Variants in NME7 observed in about 807,000 individuals in gnomAD.
The protein encoded by NME7 is nucleoside diphosphate kinase 7.
Under a neutral mutation model 49.1 loss-of-function variants are expected in NME7, and 41 were observed. That is an observed-to-expected ratio of 0.83 (90% CI 0.65 to 1.08). The LOEUF (loss-of-function observed/expected upper bound fraction) is 1.08. NME7 is among the 50% of genes least tolerant of loss of function. The pLI is 0.00. For synonymous variants in NME7, 139 were observed against 150.6 expected, an observed-to-expected ratio of 0.92 and a Z score of 0.56; for missense variants, 423 against 463.4, an observed-to-expected ratio of 0.91 and a Z score of 0.80.
In NME7 at chr1:169,274,364, T is replaced by C. The variant is rs1229103262; in HGVS notation, c.754+12939A>G. Among the ~76,000 whole-genome samples the C allele has an allele frequency of 2.2e-5, 3 of 133,340 alleles. 1 individual carries two copies. The highest frequency in any genetic ancestry group is 5.3e-5 in the Non-Finnish European group (3 of 56,776). The allele number at this position is 133,340 out of a possible 152,430, so 87.5% of individuals were successfully genotyped here. A position where few individuals can be genotyped will look rare whatever the true frequency, so the allele number is the denominator to read the frequency against. On this transcript the variant is annotated intron_variant, in intron 7 of 11. Transcript: ENST00000367811. ...TGAGTTCATTGTAGATTCTGGATATTAGCCCTTTGTCAGAAGAGTAGGTTG... is the reference window on the plus strand; with the variant it reads ...TGAGTTCATTGTAGATTCTGGATATCAGCCCTTTGTCAGAAGAGTAGGTTG...
chr1:169,212,729 G>A (rs190723693), intron 10 of NME7, among the ~76,000 whole-genome samples: 1 of 151,290 alleles, frequency 6.6e-6, no homozygotes, highest in East Asian at 1.9e-4. Context: ...AGCCTCTTGA[G>A]TACTGAGTAG....
intron 1 of NME7, among the ~76,000 whole-genome samples, chr1:169,351,973 A>C (rs1207938554): frequency 6.6e-6 from 1 of 152,070 alleles, no homozygotes; most frequent in African/African-American, 2.4e-5. Context: ...TGATGGCTTC[A>C]CTGCTGAATT....
intron 11 of NME7, among the ~76,000 whole-genome samples, chr1:169,142,250 G>T (rs1658615754): frequency 6.6e-6 from 1 of 152,184 alleles, no homozygotes; most frequent in African/African-American, 2.4e-5. Context: ...AAGTCATTAA[G>T]AGCTCAGCTA....
At chr1:169,352,055 T>C (rs1653192962) in intron 1 of NME7, among the ~76,000 whole-genome samples, 1 of 151,936 alleles carries the variant, frequency 6.6e-6, no homozygotes, top group African/African-American at 2.4e-5. Context: ...GAGGTAATAT[T>C]TCCAAGCTCA....
At chr1:169,283,156 A>G (rs1216637343) in intron 7 of NME7, among the ~76,000 whole-genome samples, 1 of 152,100 alleles carries the variant, frequency 6.6e-6, no homozygotes, top group African/African-American at 2.4e-5. Context: ...CATATTTAGG[A>G]TAGTCAGTAC....
chr1:169,201,660 G>A (rs1660554685), intron 10 of NME7, among the ~76,000 whole-genome samples: 1 of 152,074 alleles, frequency 6.6e-6, no homozygotes, highest in Non-Finnish European at 1.5e-5. Flanking sequence ...GACTGTGGCT[G>A]GTAATGAATT....
At chr1:169,328,945 G>A (rs948830777) in intron 1 of NME7, among the ~76,000 whole-genome samples, 6 of 152,138 alleles carry the variant, frequency 3.9e-5, no homozygotes, top group Non-Finnish European at 8.8e-5. Flanking sequence ...CAAGATTGCA[G>A]ACTACAGTAA....
chr1:169,290,295 G>C (rs1273698698), intron 6 of NME7, among the ~76,000 whole-genome samples: 1 of 151,944 alleles, frequency 6.6e-6, no homozygotes, highest in East Asian at 1.9e-4. Context: ...TATCATTTCT[G>C]TAAATGTCCC....
intron 10 of NME7, among the ~76,000 whole-genome samples, chr1:169,183,428 A>C (rs1274948895): frequency 6.6e-6 from 1 of 152,112 alleles, no homozygotes; most frequent in Non-Finnish European, 1.5e-5. Flanking sequence ...TTGAGGCAAG[A>C]CTCCCATTTA....
chr1:169,213,635 C>T (rs1660892605), intron 10 of NME7, among the ~76,000 whole-genome samples: 1 of 151,936 alleles, frequency 6.6e-6, no homozygotes, highest in Non-Finnish European at 1.5e-5. Flanking sequence ...AATCTTTAAA[C>T]ATGCCAAATG....
At chr1:169,325,013 T>C (rs1652008782) in intron 1 of NME7, among the ~76,000 whole-genome samples, 1 of 152,072 alleles carries the variant, frequency 6.6e-6, no homozygotes. Context: ...TATCTTTTTA[T>C]AGAAATAGAG....
chr1:169,231,270 T>C (rs1647606670), intron 9 of NME7, among the ~76,000 whole-genome samples: 2 of 152,246 alleles, frequency 1.3e-5, no homozygotes, highest in East Asian at 1.9e-4. Context: ...AGATAAAATA[T>C]ACGAAACAAT....
At chr1:169,325,624 T>C (rs1652032556) in intron 1 of NME7, among the ~76,000 whole-genome samples, 1 of 152,158 alleles carries the variant, frequency 6.6e-6, no homozygotes, top group Non-Finnish European at 1.5e-5. Flanking sequence ...ATCTAGGAGT[T>C]TTATTGCTAA....
chr1:169,212,563 T>G (rs1660856780), intron 10 of NME7, among the ~76,000 whole-genome samples: 1 of 151,738 alleles, frequency 6.6e-6, no homozygotes, highest in Non-Finnish European at 1.5e-5. Flanking sequence ...GCCTTCTTAT[T>G]TTAACTCTCA....
At chr1:169,226,137 G>T (rs749043805) in intron 10 of NME7, among the ~76,000 whole-genome samples, 2 of 151,864 alleles carry the variant, frequency 1.3e-5, no homozygotes, top group Non-Finnish European at 2.9e-5. Context: ...CATCACCAAG[G>T]GTCTTTCTTT....
chr1:169,177,065 C>T (rs1659775440), intron 10 of NME7, among the ~76,000 whole-genome samples: 1 of 152,028 alleles, frequency 6.6e-6, no homozygotes, highest in Non-Finnish European at 1.5e-5. Flanking sequence ...TTAATATCTC[C>T]CCGCAAAAGA....
chr1:169,364,304 A>G lies in NME7; in HGVS notation c.3+3404T>C, dbSNP rs1571424656. 2.0e-5 allele frequency among the ~76,000 whole-genome samples: 3 copies of G among 150,856 alleles called. No individual in the cohort carries two copies. The South Asian group carries it at 6.3e-4, about 32-fold the overall frequency. Reference sequence around the variant, plus strand: ...GTACAATAGGAGAGATGTATACTACATAAAATGGTGACAAAAAGAATGAAC... The same window carrying G: ...GTACAATAGGAGAGATGTATACTACGTAAAATGGTGACAAAAAGAATGAAC... On this transcript the variant is annotated intron_variant, in intron 1 of 11. Coordinates refer to ENST00000367811, the MANE Select transcript of NME7 (RefSeq NM_013330.5).
At chr1:169,154,037 C>T (rs560799305) in intron 11 of NME7, among the ~76,000 whole-genome samples, 1 of 151,484 alleles carries the variant, frequency 6.6e-6, no homozygotes, top group South Asian at 2.1e-4. Flanking sequence ...TTTTTTGAAA[C>T]AGAATCTCAC....
intron 10 of NME7, among the ~76,000 whole-genome samples, chr1:169,206,234 C>G (rs1468555637): frequency 6.6e-6 from 1 of 152,060 alleles, no homozygotes; most frequent in Non-Finnish European, 1.5e-5. Context: ...TGTTCTTTTG[C>G]CACTGTATTT....
Sources: gnomAD v4.1 joint callset for allele counts (sites outside exome capture counted in the v4.1 genomes callset) on GRCh38, gnomAD v4.1.1 for gene constraint, MANE v1.5 for transcripts, NCBI Gene and HGNC (gene_info 2026-07-23, HGNC 2026-07-21) for gene names.